Variants in COA1 observed in about 807,000 individuals in gnomAD.
COA1 encodes cytochrome c oxidase assembly factor 1, also known as cytochrome c oxidase assembly factor 1 homolog.
In COA1, 13 loss-of-function variants were observed where a neutral mutation model predicts 16.0. That is an observed-to-expected ratio of 0.81 (90% CI 0.53 to 1.29). The LOEUF (loss-of-function observed/expected upper bound fraction) is 1.29. Ranked by LOEUF, COA1 falls within the 50% of genes most tolerant of loss-of-function variation. The pLI is 0.00. For synonymous variants in COA1, 65 were observed against 65.7 expected (o/e 0.99, Z 0.05); for missense variants, 179 against 177.0 (o/e 1.01, Z -0.06).
At chr7:43,672,546 C>A (rs925354035) in intron 1 of COA1, among the ~76,000 whole-genome samples, 1 of 152,108 alleles carries the variant, frequency 6.6e-6, no homozygotes, top group African/African-American at 2.4e-5. Context: ...CCAAGGCGGG[C>A]AGATCACGAG....
At chr7:43,661,426 G>C (rs1351215287) in intron 1 of COA1, among the ~76,000 whole-genome samples, 1 of 152,164 alleles carries the variant, frequency 6.6e-6, no homozygotes, top group Non-Finnish European at 1.5e-5. Flanking sequence ...CACAGGTCAG[G>C]AAATCTAAAC....
intron 1 of COA1, among the ~76,000 whole-genome samples, chr7:43,674,442 T>G (rs370583784): frequency 2.0e-4 from 31 of 152,216 alleles, no homozygotes; most frequent in African/African-American, 7.5e-4. Flanking sequence ...GGTAAGCATC[T>G]AATACACAAC....
chr7:43,711,794 C>T (rs1034842), intron 1 of COA1, among the ~76,000 whole-genome samples: 3 of 152,172 alleles, frequency 2.0e-5, no homozygotes, highest in Non-Finnish European at 4.4e-5. Context: ...TATCTAAACA[C>T]AGAAAAGGTG....
chr7:43,686,329 C>T (rs1584977525), intron 1 of COA1, among the ~76,000 whole-genome samples: 2 of 128,048 alleles, frequency 1.6e-5, no homozygotes, highest in East Asian at 4.6e-4. Flanking sequence ...TTTTTTGAGA[C>T]GGAGTCTCGT....
chr7:43,640,667 CAGAA>C lies in COA1; in HGVS notation c.265-22_265-19del. 2 of 1,542,654 alleles carry C rather than the reference CAGAA, an allele frequency of 1.3e-6. No individual in the cohort carries two copies. The highest frequency in any genetic ancestry group is 1.2e-5 in the South Asian group (1 of 86,204). ...ATCTTCAACTGTGGGTGTAAAATGA[CAGAA>C]AGGAGAGATGTAATTGGATAATTAT... On this transcript the variant is annotated intron_variant, in intron 4 of 5. Coordinates refer to ENST00000223336, the MANE Select transcript of COA1 (RefSeq NM_018224.4).
chr7:43,712,673 T>C (rs2095287840), intron 1 of COA1, among the ~76,000 whole-genome samples: 1 of 152,212 alleles, frequency 6.6e-6, no homozygotes, highest in Non-Finnish European at 1.5e-5. Context: ...TTTTCTTGAA[T>C]TATTTTCACC....
At chr7:43,664,430 C>T (rs2153177973) in intron 1 of COA1, among the ~76,000 whole-genome samples, 1 of 152,146 alleles carries the variant, frequency 6.6e-6, no homozygotes, top group South Asian at 2.1e-4. Context: ...ACAGTAGTTA[C>T]CTCTGGGGAA....
intron 4 of COA1, among the ~76,000 whole-genome samples, chr7:43,644,892 T>C (rs570178941): frequency 6.6e-6 from 1 of 151,152 alleles, no homozygotes; most frequent in South Asian, 2.1e-4. Flanking sequence ...AGCAATCCTC[T>C]TACCTCAGCC....
At chr7:43,641,282 G>C (rs2086997571) in intron 4 of COA1, among the ~76,000 whole-genome samples, 1 of 135,078 alleles carries the variant, frequency 7.4e-6, no homozygotes, top group Non-Finnish European at 1.5e-5. Flanking sequence ...AGGACGCTTG[G>C]ATTTGTGCCT....
chr7:43,629,186 G>T (rs1371727387), intron 6 of COA1, among the ~76,000 whole-genome samples: 3 of 152,096 alleles, frequency 2.0e-5, no homozygotes, highest in South Asian at 2.1e-4. Context: ...CTCTAGTTTT[G>T]TTCCATTCTG....
intron 6 of COA1, chr7:43,619,511 A>G (rs1307746535): frequency 1.3e-6 from 2 of 1,484,768 alleles, no homozygotes; most frequent in South Asian, 1.3e-5. Flanking sequence ...TCTCAGTTTC[A>G]TAGGTGAAAT....
At chr7:43,685,102 T>C (rs1471568062) in intron 1 of COA1, among the ~76,000 whole-genome samples, 2 of 148,632 alleles carry the variant, frequency 1.3e-5, no homozygotes, top group African/African-American at 5.0e-5. Context: ...TGATTCATAA[T>C]TGCACCATTA....
At chr7:43,618,748 C>T (rs2083576643) in intron 6 of COA1, among the ~76,000 whole-genome samples, 1 of 152,078 alleles carries the variant, frequency 6.6e-6, no homozygotes, top group South Asian at 2.1e-4. Context: ...GGATATGAAC[C>T]TCACTGATTC....
At position 43,639,619 on chromosome 7, in the gene COA1, A is replaced by T. The variant is rs934340779; in HGVS notation, c.404T>A (p.Leu135His). The change falls in exon 6 of 6, where the codon CTC becomes CAC. Residue 135 changes from leucine (L) to histidine (H), a missense_variant. Physicochemically the swap from Leu to His is moderately conservative, Grantham distance 99 (BLOSUM62 -3). Coordinates refer to ENST00000223336, the MANE Select transcript of COA1 (RefSeq NM_018224.4). ...CACTTCATCACCGTTTTCCCCACTG[A>T]GCTTGAACACAGGAATCTGCTGACC... Reference protein sequence around the residue: ...KDGQQIPVFKLSGENGDEVKK... With the variant: ...KDGQQIPVFKHSGENGDEVKK... 1 of 1,614,048 alleles carries T rather than the reference A, an allele frequency of 6.2e-7. No individual in the cohort carries two copies. Among genetic ancestry groups the T allele is most frequent in the African/African-American group, 1.3e-5 (1 of 75,030 alleles).
intron 1 of COA1, among the ~76,000 whole-genome samples, chr7:43,700,023 G>T (rs902137318): frequency 6.6e-6 from 1 of 151,948 alleles, no homozygotes; most frequent in African/African-American, 2.4e-5. Context: ...TAGTGTCCTC[G>T]TTAAAAAATA....
chr7:43,704,320 T>C (rs1393548778), intron 1 of COA1, among the ~76,000 whole-genome samples: 2 of 152,172 alleles, frequency 1.3e-5, no homozygotes, highest in East Asian at 1.9e-4. Flanking sequence ...TATGTGGGTA[T>C]GGTACAGGGC....
intron 1 of COA1, among the ~76,000 whole-genome samples, chr7:43,658,099 C>T (rs1016581553): frequency 2.0e-5 from 3 of 151,600 alleles, no homozygotes; most frequent in African/African-American, 4.8e-5. Context: ...GCTGAAGGCC[C>T]GGCGCTGTGG....
intron 1 of COA1, among the ~76,000 whole-genome samples, chr7:43,655,618 C>T (rs535184463): frequency 1.6e-3 from 237 of 152,184 alleles, no homozygotes; most frequent in African/African-American, 5.4e-3. Flanking sequence ...GCTGAGATTG[C>T]GCCACTGCAC....
intron 1 of COA1, among the ~76,000 whole-genome samples, chr7:43,715,727 C>G (rs1421275651): frequency 1.3e-5 from 2 of 152,170 alleles, no homozygotes; most frequent in Admixed American, 6.5e-5. Context: ...AAAACACCAA[C>G]AAACACGGGT....
Sources: allele counts gnomAD v4.1 joint callset (sites outside exome capture counted in the v4.1 genomes callset), GRCh38; gene constraint gnomAD v4.1.1; transcripts MANE v1.5; gene names NCBI Gene and HGNC (gene_info 2026-07-23, HGNC 2026-07-21).